Variants in ROBO1 observed in about 807,000 individuals in gnomAD.
ROBO1 encodes the protein roundabout guidance receptor 1.
Under a neutral mutation model 195.9 loss-of-function variants are expected in ROBO1, and 149 were observed. The ratio of observed to expected loss-of-function variants is 0.76; its 90% CI spans 0.67 to 0.87. The LOEUF (loss-of-function observed/expected upper bound fraction) is 0.87, where lower values mean the gene tolerates loss of function less well. ROBO1 is among the 40% of genes least tolerant of loss of function. ROBO1 has a pLI of 0.00. For synonymous variants in ROBO1, 816 were observed against 733.2 expected, an observed-to-expected ratio of 1.11 and a Z score of -1.82; for missense variants, 1,933 against 2,068.3, an observed-to-expected ratio of 0.93 and a Z score of 1.27.
intron 2 of ROBO1, among the ~76,000 whole-genome samples, chr3:79,247,127 C>CTTTTTTTTTT (rs1484743424): frequency 7.8e-6 from 1 of 127,750 alleles, no homozygotes; most frequent in Non-Finnish European, 1.6e-5. Flanking sequence ...CTCCTGTTTA[C>CTTTTTTTTTT]TGTTTTTTTT....
intron 2 of ROBO1, among the ~76,000 whole-genome samples, chr3:79,477,716 A>G (rs1014517843): frequency 7.2e-5 from 11 of 152,180 alleles, no homozygotes; most frequent in Non-Finnish European, 1.6e-4. Context: ...CAAATGAAAT[A>G]CATAATATTA....
chr3:79,398,572 A>C (rs984176199), intron 2 of ROBO1, among the ~76,000 whole-genome samples: 1 of 152,090 alleles, frequency 6.6e-6, no homozygotes, highest in Non-Finnish European at 1.5e-5. Flanking sequence ...ACTATAAAAA[A>C]CTGGAATTAG....
At chr3:79,711,082 A>G (rs946600324) in intron 1 of ROBO1, among the ~76,000 whole-genome samples, 2 of 152,182 alleles carry the variant, frequency 1.3e-5, no homozygotes, top group Admixed American at 6.6e-5. Flanking sequence ...TTGAAAAACC[A>G]TAACGAATAG....
intron 2 of ROBO1, among the ~76,000 whole-genome samples, chr3:79,506,218 A>C (rs1388888416): frequency 2.6e-5 from 4 of 152,140 alleles, no homozygotes; most frequent in Non-Finnish European, 5.9e-5. Flanking sequence ...CTTTCGTAGC[A>C]GTGAGGAATA....
rs927421240 is a variant in ROBO1, at chr3:79,458,505, A to T, written c.88+131319T>A. Among the ~76,000 whole-genome samples the T allele has an allele frequency of 9.2e-5, 14 of 152,270 alleles. No homozygotes were observed. The South Asian group carries it at 2.3e-3, about 25-fold the overall frequency. ...CATGAGGGGATGAATGCTCAACAGT[A>T]TCTTCACCCTGACATTTTTTATCAT... On this transcript the variant is annotated intron_variant, in intron 2 of 30. Coordinates refer to ENST00000464233, the MANE Select transcript of ROBO1 (RefSeq NM_002941.4).
At chr3:79,129,098 A>T (rs2080274077) in intron 2 of ROBO1, among the ~76,000 whole-genome samples, 1 of 152,152 alleles carries the variant, frequency 6.6e-6, no homozygotes, top group Non-Finnish European at 1.5e-5. Context: ...TTGGTGATTC[A>T]ACTTCATGTA....
At chr3:79,606,603 T>C (rs1156685626) in intron 1 of ROBO1, among the ~76,000 whole-genome samples, 1 of 151,896 alleles carries the variant, frequency 6.6e-6, no homozygotes, top group Admixed American at 6.6e-5. Context: ...AACCTGTTAT[T>C]CTATCCTACT....
chr3:79,008,508 C>CGT (rs576440550), intron 3 of ROBO1, among the ~76,000 whole-genome samples: 6 of 151,528 alleles, frequency 4.0e-5, no homozygotes, highest in Non-Finnish European at 2.9e-5. Flanking sequence ...GCAGCACGTA[C>CGT]GTGTGTGTGT....
At chr3:78,899,170 C>CT (rs1559977827) in intron 4 of ROBO1, among the ~76,000 whole-genome samples, 4 of 152,046 alleles carry the variant, frequency 2.6e-5, no homozygotes, top group Non-Finnish European at 4.4e-5. Flanking sequence ...AAACATACCA[C>CT]TTTTTTTGAA....
chr3:79,568,308 C>T (rs1415395487), intron 2 of ROBO1, among the ~76,000 whole-genome samples: 2 of 152,016 alleles, frequency 1.3e-5, no homozygotes, highest in Non-Finnish European at 2.9e-5. Context: ...TATAAAGGGG[C>T]AAAAGGAAAA....
intron 1 of ROBO1, among the ~76,000 whole-genome samples, chr3:79,598,768 C>T (rs1248143907): frequency 6.6e-6 from 1 of 152,014 alleles, no homozygotes; most frequent in Non-Finnish European, 1.5e-5. Context: ...AGCTGGTGCT[C>T]TCTTGAAAGA....
chr3:78,919,309 A>C (rs972169294), intron 4 of ROBO1, among the ~76,000 whole-genome samples: 1 of 152,160 alleles, frequency 6.6e-6, no homozygotes, highest in African/African-American at 2.4e-5. Context: ...ACTGAAAGTT[A>C]CTGGCCAGAG....
Position 78,884,490 on chromosome 3 carries a change from C to T in ROBO1, c.499+54111G>A, listed in dbSNP as rs963041499. Among the ~76,000 whole-genome samples the T allele has an allele frequency of 1.6e-4, 24 of 151,640 alleles. 1 individual carries two copies. The highest frequency in any genetic ancestry group is 5.8e-4 in the African/African-American group (24 of 41,290). On this transcript the variant is annotated intron_variant, in intron 4 of 30. Coordinates refer to ENST00000464233, the MANE Select transcript of ROBO1 (RefSeq NM_002941.4). ...AAAATCAGCGAGGCATGGTGGCACA[C>T]ATCTGTCATCCCAGCTACTCAGGGA...
intron 2 of ROBO1, among the ~76,000 whole-genome samples, chr3:79,363,809 G>C (rs2035860559): frequency 6.6e-6 from 1 of 152,072 alleles, no homozygotes; most frequent in Non-Finnish European, 1.5e-5. Context: ...CAATTTGAAA[G>C]CCTCAGTATC....
chr3:78,752,531 T>G (rs2082823367), intron 4 of ROBO1, among the ~76,000 whole-genome samples: 1 of 152,168 alleles, frequency 6.6e-6, no homozygotes, highest in Non-Finnish European at 1.5e-5. Flanking sequence ...TCAGTCTTAC[T>G]TTTTAGCTGA....
At chr3:79,372,180 T>C (rs558246720) in intron 2 of ROBO1, among the ~76,000 whole-genome samples, 4 of 150,994 alleles carry the variant, frequency 2.6e-5, no homozygotes, top group Non-Finnish European at 4.4e-5. Flanking sequence ...AGCCAGGGTG[T>C]TGGGGACCCC....
At chr3:79,403,055 C>G (rs901920147) in intron 2 of ROBO1, among the ~76,000 whole-genome samples, 1 of 151,860 alleles carries the variant, frequency 6.6e-6, no homozygotes, top group African/African-American at 2.4e-5. Flanking sequence ...GTCAAAGTGT[C>G]TTCAAATTAT....
At chr3:79,102,670 C>T (rs1012996320) in intron 3 of ROBO1, among the ~76,000 whole-genome samples, 1 of 151,868 alleles carries the variant, frequency 6.6e-6, no homozygotes, top group South Asian at 2.1e-4. Flanking sequence ...AGGTCCTTAG[C>T]AAATTATTTT....
At chr3:78,749,031 A>G (rs9861603) in intron 4 of ROBO1, among the ~76,000 whole-genome samples, 112,296 of 151,962 alleles carry the variant, frequency 0.74, 41,843 homozygotes, top group South Asian at 0.82. Context: ...CTATTTATAA[A>G]CTTATATTAT....
Sources: gnomAD v4.1 joint callset for allele counts (sites outside exome capture counted in the v4.1 genomes callset) on GRCh38, gnomAD v4.1.1 for gene constraint, MANE v1.5 for transcripts, NCBI Gene and HGNC (gene_info 2026-07-23, HGNC 2026-07-21) for gene names.